Variants in ADAMTS16 observed in about 807,000 individuals in gnomAD.
ADAMTS16 encodes A disintegrin and metalloproteinase with thrombospondin motifs 16.
ADAMTS16 carries 94 observed loss-of-function variants against 145.8 expected under a neutral mutation model. The observed-to-expected ratio is 0.64, with a 90% CI of 0.55 to 0.77. The LOEUF (loss-of-function observed/expected upper bound fraction) is 0.77. Among genes scored for constraint, ADAMTS16 ranks in the 30% least tolerant of loss-of-function variants. The pLI, the probability that ADAMTS16 is intolerant of heterozygous loss-of-function variation, is 0.00. For missense variants in ADAMTS16, 1,585 were observed against 1,591.5 expected, an observed-to-expected ratio of 1.00 and a Z score of 0.07; for synonymous variants, 659 against 604.3, an observed-to-expected ratio of 1.09 and a Z score of -1.33.
rs117023926 is a variant in ADAMTS16, at chr5:5,169,680, T to G, written c.502-12364T>G. Among the ~76,000 whole-genome samples the G allele has an allele frequency of 7.6e-4, 116 of 152,334 alleles. 2 individuals are homozygous for G. In the East Asian group the frequency reaches 0.019, roughly 25 times the overall value. The stretch of plus-strand genomic sequence containing the variant: ...TTGCTCGCTAGGTGTCCTTGCTGCA[T>G]GTTCATAGACCATTCACGGGCTTCT... On this transcript the variant is annotated intron_variant, in intron 3 of 22. Transcript: ENST00000274181.
chr5:5,241,535 C>A (rs1404798497), intron 16 of ADAMTS16, among the ~76,000 whole-genome samples: 3 of 152,150 alleles, frequency 2.0e-5, no homozygotes, highest in Non-Finnish European at 4.4e-5. Context: ...AAGTGTCCTG[C>A]GTTATTTGAA....
intron 18 of ADAMTS16, among the ~76,000 whole-genome samples, chr5:5,267,092 G>A (rs1738267037): frequency 6.6e-6 from 1 of 152,124 alleles, no homozygotes; most frequent in South Asian, 2.1e-4. Flanking sequence ...CCCCTCGCAG[G>A]GTGTGCGATG....
chr5:5,227,545 G>A (rs1736804967), intron 11 of ADAMTS16, among the ~76,000 whole-genome samples: 1 of 128,868 alleles, frequency 7.8e-6, no homozygotes, highest in East Asian at 2.3e-4. Flanking sequence ...GTGTGTGTGT[G>A]TGTCTCTACA....
rs1200147030 is a variant in ADAMTS16 at position 5,314,764 on chromosome 5, AACGGC to A, written c.3412-3367_3412-3363del. Among the ~76,000 whole-genome samples the A allele has an allele frequency of 5.9e-5, 9 of 152,300 alleles. No homozygotes were observed. The East Asian group carries it at 1.4e-3, about 23-fold the overall frequency. ...CACCTGTGCATAGGAATCATCTGGG[AACGGC>A]ACCGATTCTGACACTGTGCATCTTG... On this transcript the variant is annotated intron_variant, in intron 21 of 22. Coordinates refer to ENST00000274181, the MANE Select transcript of ADAMTS16 (RefSeq NM_139056.4).
chr5:5,178,930 A>G (rs770789420), intron 3 of ADAMTS16, among the ~76,000 whole-genome samples: 37 of 152,092 alleles, frequency 2.4e-4, no homozygotes, highest in Admixed American at 7.2e-4. Context: ...ACCAACACTC[A>G]GGGCTTCAGA....
intron 8 of ADAMTS16, 89 bp downstream of exon 8, chr5:5,191,879 C>A: frequency 2.1e-6 from 2 of 958,860 alleles, no homozygotes; most frequent in Non-Finnish European, 1.6e-6. Flanking sequence ...AAGTCAAGTC[C>A]ATGAAGGGAA....
At chr5:5,318,325 G>T (rs755758278) in intron 22 of ADAMTS16, 44 bp downstream of exon 22, 3 of 1,363,472 alleles carry the variant, frequency 2.2e-6, no homozygotes, top group East Asian at 2.7e-5. Flanking sequence ...CATGGGGCTG[G>T]AATGTCAGGT....
chr5:5,251,400 A>G (rs941417248), intron 17 of ADAMTS16, among the ~76,000 whole-genome samples: 6 of 152,246 alleles, frequency 3.9e-5, no homozygotes, highest in African/African-American at 1.4e-4. Flanking sequence ...TCCAAGTGCT[A>G]TTCCTACTTT....
rs771465976 is a variant in ADAMTS16, at chr5:5,186,127, C to A, written c.839C>A (p.Ser280Tyr). Reference sequence around the variant, plus strand: ...AAGTCTTGCTTACGGCATAAGCGCTCTCTTCTGAGGTCCCATAGAAATGAA... The same window carrying A: ...AAGTCTTGCTTACGGCATAAGCGCTATCTTCTGAGGTCCCATAGAAATGAA... ...EYKSCLRHKRSLLRSHRNEEL... is the reference protein window; with the variant it reads ...EYKSCLRHKRYLLRSHRNEEL... The change falls in exon 5 of 23, where the codon TCT becomes TAT. Residue 280 changes from serine (S) to tyrosine (Y), a missense_variant. By Grantham distance (144) the Ser-to-Tyr change is moderately radical (BLOSUM62 -2). Transcript: ENST00000274181. 1.2e-6 allele frequency: 2 copies of A among 1,614,016 alleles called. No homozygotes were observed. The highest frequency in any genetic ancestry group is 2.7e-5 in the African/African-American group (2 of 74,908).
rs1167577670 is a variant in ADAMTS16 at position 5,155,502 on chromosome 5, A to C, written c.501+9047A>C. 2.6e-5 allele frequency among the ~76,000 whole-genome samples: 4 copies of C among 152,356 alleles called. No homozygotes were observed. The Middle Eastern group carries it at 0.01, about 389-fold the overall frequency. ...CAGAGAATATCAAAGCACCCTAGAC[A>C]ACAACTACAAGAATATACTGCCCCT... On this transcript the variant is annotated intron_variant, in intron 3 of 22. Transcript: ENST00000274181.
intron 19 of ADAMTS16, 42 bp downstream of exon 19, chr5:5,303,511 G>A (rs766210461): frequency 6.2e-7 from 1 of 1,607,888 alleles, no homozygotes; most frequent in Non-Finnish European, 8.5e-7. Flanking sequence ...CAGGGCCCCT[G>A]CATGATCTGC....
At chr5:5,291,566 C>G (rs936588610) in intron 18 of ADAMTS16, among the ~76,000 whole-genome samples, 2 of 152,168 alleles carry the variant, frequency 1.3e-5, no homozygotes, top group Non-Finnish European at 2.9e-5. Context: ...ATTGGTGTCC[C>G]GTGATTTCCT....
At chr5:5,206,412 C>G (rs541614048) in intron 9 of ADAMTS16, among the ~76,000 whole-genome samples, 18 of 64,640 alleles carry the variant, frequency 2.8e-4, no homozygotes, top group Non-Finnish European at 4.2e-4. Flanking sequence ...GGCGACAGAG[C>G]GAGACTCCGT....
rs759734674 is a variant in ADAMTS16 at position 5,146,466 on chromosome 5, C to T, written c.501+11C>T. The T allele has an allele frequency of 3.3e-5, 52 of 1,585,918 alleles. No homozygotes were observed. The highest frequency in any genetic ancestry group is 3.2e-4 in the South Asian group (29 of 89,490). ...ACCTGCCAAGGCTTGGTGAGTACAG[C>T]GCAAGCCCCAGGTAGGGAGGCGAGG... On this transcript the variant is annotated intron_variant, in intron 3 of 22. Transcript: ENST00000274181.
At chr5:5,161,295 G>A (rs1734739210) in intron 3 of ADAMTS16, among the ~76,000 whole-genome samples, 1 of 152,150 alleles carries the variant, frequency 6.6e-6, no homozygotes, top group Non-Finnish European at 1.5e-5. Flanking sequence ...ATGGATTAGA[G>A]TTGGATACTT....
At chr5:5,274,957 C>T (rs1037109872) in intron 18 of ADAMTS16, among the ~76,000 whole-genome samples, 8 of 152,044 alleles carry the variant, frequency 5.3e-5, no homozygotes, top group Admixed American at 1.3e-4. Context: ...TAATTAAAAC[C>T]GTGGCACATG....
At chr5:5,143,803 A>T (rs764824814) in intron 2 of ADAMTS16, among the ~76,000 whole-genome samples, 3 of 152,224 alleles carry the variant, frequency 2.0e-5, no homozygotes, top group Non-Finnish European at 4.4e-5. Flanking sequence ...GCAGCCATAA[A>T]AAAAGAATGA....
chr5:5,238,237 A>G (rs1303208705), intron 14 of ADAMTS16, among the ~76,000 whole-genome samples: 1 of 152,046 alleles, frequency 6.6e-6, no homozygotes, highest in Non-Finnish European at 1.5e-5. Flanking sequence ...CTTATTTGTA[A>G]CTCTGAAATC....
chr5:5,185,954 G>A (rs1467743578), intron 4 of ADAMTS16, 98 bp from the exon 5 acceptor site: 2 of 960,674 alleles, frequency 2.1e-6, no homozygotes, highest in East Asian at 2.4e-5. Context: ...TTTATCATGA[G>A]TGTTCATTTT....
Sources: allele counts gnomAD v4.1 joint callset (sites outside exome capture counted in the v4.1 genomes callset), GRCh38; gene constraint gnomAD v4.1.1; transcripts MANE v1.5; gene names NCBI Gene and HGNC (gene_info 2026-07-23, HGNC 2026-07-21).